RUFY3: variants seen among roughly 807,000 people sequenced by gnomAD.
RUFY3 encodes the protein RUN and FYVE domain containing 3.
A neutral mutation model predicts 84.0 loss-of-function variants in RUFY3; 34 were observed. The observed-to-expected ratio is 0.40, with a 90% confidence interval of 0.31 to 0.54. The LOEUF is 0.54. Ranked by LOEUF, RUFY3 falls within the 20% of genes least tolerant of loss-of-function variation. The pLI is 0.39. For missense variants in RUFY3, 507 were observed against 736.8 expected (o/e 0.69, Z 3.61); for synonymous variants, 242 against 252.9 (o/e 0.96, Z 0.41).
At position 70,806,708 on chromosome 4, in the gene RUFY3, A is replaced by C; in HGVS notation, c.*49A>C. The stretch of plus-strand genomic sequence containing the variant: ...AAAACGTTTATGCAGGCTCCTCTGT[A>C]CCTGTGTTTTAGCTGTCAGGATCTC... On this transcript the variant is annotated 3_prime_UTR_variant, in exon 18 of 18. Coordinates refer to ENST00000381006, the MANE Select transcript of RUFY3 (RefSeq NM_001037442.4). 4 of 1,605,898 alleles carry C rather than the reference A, an allele frequency of 2.5e-6. No individual in the cohort carries two copies. Among genetic ancestry groups the C allele is most frequent in the Non-Finnish European group, 3.4e-6 (4 of 1,174,884 alleles).
intron 1 of RUFY3, among the ~76,000 whole-genome samples, chr4:70,713,589 A>T (rs1302193867): frequency 6.6e-6 from 1 of 152,158 alleles, no homozygotes; most frequent in Non-Finnish European, 1.5e-5. Context: ...AAGGTGTGGG[A>T]ACCTTATGAT....
chr4:70,768,775 G>T, intron 5 of RUFY3, 114 bp downstream of exon 5: 4 of 958,802 alleles, frequency 4.2e-6, no homozygotes, highest in South Asian at 4.3e-5. Context: ...GTCATAAACA[G>T]GATTTCCTTC....
chr4:70,713,371 T>C (rs888769058), intron 1 of RUFY3, among the ~76,000 whole-genome samples: 1 of 152,194 alleles, frequency 6.6e-6, no homozygotes, highest in African/African-American at 2.4e-5. Context: ...CTTGAGAAGG[T>C]AAGTAGCAAT....
intron 1 of RUFY3, among the ~76,000 whole-genome samples, chr4:70,723,728 C>G (rs1434523148): frequency 6.6e-6 from 1 of 152,072 alleles, no homozygotes. Flanking sequence ...AGGAGAAATT[C>G]TTTATAAACA....
chr4:70,789,864 A>G (rs1296990218), intron 12 of RUFY3: 6 of 1,088,802 alleles, frequency 5.5e-6, no homozygotes, highest in Middle Eastern at 4.3e-4. Flanking sequence ...CTCTTAATCC[A>G]TGTCAGAGTC....
chr4:70,709,671 T>C (rs993289036), intron 1 of RUFY3, among the ~76,000 whole-genome samples: 1 of 152,242 alleles, frequency 6.6e-6, no homozygotes, highest in African/African-American at 2.4e-5. Flanking sequence ...GTCTTGTGAA[T>C]GGACAGGATA....
chr4:70,712,853 A>G (rs1277960527), intron 1 of RUFY3, among the ~76,000 whole-genome samples: 2 of 152,250 alleles, frequency 1.3e-5, no homozygotes, highest in African/African-American at 4.8e-5. Context: ...TGAATTTTAC[A>G]GGACATCACA....
At chr4:70,744,025 A>G (rs1317877080) in intron 1 of RUFY3, among the ~76,000 whole-genome samples, 1 of 152,166 alleles carries the variant, frequency 6.6e-6, no homozygotes, top group African/African-American at 2.4e-5. Context: ...CATAACACAC[A>G]ATAGCAATTC....
intron 10 of RUFY3, among the ~76,000 whole-genome samples, chr4:70,787,556 C>T (rs535070770): frequency 3.3e-5 from 5 of 151,992 alleles, no homozygotes; most frequent in East Asian, 3.9e-4. Context: ...CCATCACACC[C>T]GGCCAGAATT....
At chr4:70,705,122 C>T in exon 1 of RUFY3, 2 of 1,434,762 alleles carry the variant, frequency 1.4e-6, no homozygotes, top group African/African-American at 3.0e-5. Context: ...CGCCGGTGGC[C>T]GCCCCCTTCT....
At chr4:70,705,297 G>A in intron 1 of RUFY3, 3 of 1,402,012 alleles carry the variant, frequency 2.1e-6, no homozygotes, top group South Asian at 3.1e-5. Context: ...CAAGCACCGT[G>A]AGTGGCGGAG....
intron 1 of RUFY3, among the ~76,000 whole-genome samples, chr4:70,710,043 T>G (rs1422310993): frequency 6.6e-6 from 1 of 152,230 alleles, no homozygotes; most frequent in Non-Finnish European, 1.5e-5. Flanking sequence ...AGTGCCATGA[T>G]TAAGCCCCGG....
At chr4:70,794,176 T>G (rs1731219855) in intron 13 of RUFY3, among the ~76,000 whole-genome samples, 1 of 152,216 alleles carries the variant, frequency 6.6e-6, no homozygotes, top group African/African-American at 2.4e-5. Context: ...TATGTAATAT[T>G]TCCTGAATTC....
chr4:70,718,181 C>G, upstream of RUFY3, among the ~76,000 whole-genome samples: 1 of 152,186 alleles, frequency 6.6e-6, no homozygotes, highest in South Asian at 2.1e-4. Flanking sequence ...CCGCACCCAG[C>G]CCTTTACATG....
At chr4:70,759,928 C>G (rs1560507301) in intron 1 of RUFY3, among the ~76,000 whole-genome samples, 1 of 152,148 alleles carries the variant, frequency 6.6e-6, no homozygotes, top group Non-Finnish European at 1.5e-5. Flanking sequence ...TAGTGTTACC[C>G]ACTACTGGGT....
intron 15 of RUFY3, chr4:70,802,727 A>G (rs1345250417): frequency 2.6e-5 from 10 of 386,534 alleles, no homozygotes; most frequent in East Asian, 2.3e-4. Flanking sequence ...TTAAATGGGA[A>G]CCCTTATATA....
intron 1 of RUFY3, among the ~76,000 whole-genome samples, chr4:70,745,880 G>A (rs1005392193): frequency 1.3e-5 from 2 of 152,144 alleles, no homozygotes; most frequent in Non-Finnish European, 2.9e-5. Context: ...GACGTCAGGA[G>A]TTCAAGACCA....
chr4:70,757,554 A>G (rs1460764717), intron 1 of RUFY3, among the ~76,000 whole-genome samples: 3 of 151,364 alleles, frequency 2.0e-5, no homozygotes, highest in Non-Finnish European at 4.4e-5. Context: ...CAGTGAGCCA[A>G]GATCGCGCCA....
chr4:70,724,973 G>A (rs1717981992), intron 1 of RUFY3, among the ~76,000 whole-genome samples: 1 of 152,142 alleles, frequency 6.6e-6, no homozygotes. Context: ...GTCTGGACGC[G>A]GGAGTATTCA....
Sources: allele counts gnomAD v4.1 joint callset (sites outside exome capture counted in the v4.1 genomes callset), GRCh38; gene constraint gnomAD v4.1.1; transcripts MANE v1.5; gene names NCBI Gene and HGNC (gene_info 2026-07-23, HGNC 2026-07-21).